GINS1: variants seen among roughly 807,000 people sequenced by gnomAD.
The protein encoded by GINS1 is GINS complex subunit 1, also known as DNA replication complex GINS protein PSF1.
GINS1 carries 26 observed loss-of-function variants against 34.9 expected under a neutral mutation model. That is an observed-to-expected ratio of 0.74 (90% CI 0.55 to 1.03). GINS1 has a LOEUF of 1.03. Among genes scored for constraint, GINS1 ranks in the 50% least tolerant of loss-of-function variants. The pLI is 0.00. For synonymous variants in GINS1, 97 were observed against 84.4 expected (o/e 1.15, Z -0.82); for missense variants, 235 against 237.9 (o/e 0.99, Z 0.08).
intron 6 of GINS1, among the ~76,000 whole-genome samples, chr20:25,443,476 CT>C (rs11482627): frequency 7.4e-4 from 92 of 124,716 alleles, no homozygotes; most frequent in Admixed American, 1.1e-3. Context: ...GGTTGAATTT[CT>C]TTTTTTTTTT....
At chr20:25,421,838 T>C (rs1441199891) in intron 4 of GINS1, among the ~76,000 whole-genome samples, 1 of 152,140 alleles carries the variant, frequency 6.6e-6, no homozygotes, top group Non-Finnish European at 1.5e-5. Flanking sequence ...TCATCTTCTC[T>C]TTGGGGTCTG....
At chr20:25,408,629 G>A (rs935519251) in intron 1 of GINS1, among the ~76,000 whole-genome samples, 1 of 152,080 alleles carries the variant, frequency 6.6e-6, no homozygotes, top group Non-Finnish European at 1.5e-5. Flanking sequence ...AGGCTGAGGC[G>A]GGAGGATCGC....
chr20:25,417,256 G>T, intron 3 of GINS1, 54 bp downstream of exon 3: 1 of 822,338 alleles, frequency 1.2e-6, no homozygotes, highest in Non-Finnish European at 2.1e-6. Context: ...TGGCTTCCCA[G>T]TTGACCATCT....
chr20:25,409,298 T>C (rs146074001), intron 1 of GINS1, among the ~76,000 whole-genome samples: 1 of 152,170 alleles, frequency 6.6e-6, no homozygotes, highest in Non-Finnish European at 1.5e-5. Flanking sequence ...ATATGGGGAA[T>C]GGATTGAAGA....
rs1365465539 is a variant in GINS1, at chr20:25,411,565, A to G, written c.76-2225A>G. On this transcript the variant is annotated intron_variant, in intron 1 of 6. Transcript: ENST00000262460. ...TGTACTCGCAGCACTTTGGGAGACC[A>G]TGGCAGGCGGATCACTTGAGGTCAG... Among the ~76,000 whole-genome samples, 4 of 152,086 alleles carry G rather than the reference A, an allele frequency of 2.6e-5. No individual in the cohort carries two copies. In the East Asian group the frequency reaches 7.7e-4, roughly 29 times the overall value.
chr20:25,414,253 G>A (rs1487041743), intron 2 of GINS1, among the ~76,000 whole-genome samples: 1 of 150,324 alleles, frequency 6.7e-6, no homozygotes, highest in Non-Finnish European at 1.5e-5. Flanking sequence ...TTTGGGATGC[G>A]ATTTTTAAAA....
intron 5 of GINS1, among the ~76,000 whole-genome samples, chr20:25,427,315 A>G (rs557686301): frequency 2.4e-4 from 37 of 152,198 alleles, no homozygotes; most frequent in South Asian, 2.1e-3. Context: ...CTCCTGCCTC[A>G]GCCTCCCAAG....
At chr20:25,432,931 T>C (rs2090435520) in intron 5 of GINS1, among the ~76,000 whole-genome samples, 1 of 150,154 alleles carries the variant, frequency 6.7e-6, no homozygotes, top group Admixed American at 6.6e-5. Flanking sequence ...TTTTTGTCTC[T>C]GGTAAGCTTT....
At chr20:25,440,829 A>AG (rs1555834065) in intron 5 of GINS1, among the ~76,000 whole-genome samples, 13 of 150,560 alleles carry the variant, frequency 8.6e-5, no homozygotes, top group African/African-American at 2.0e-4. Context: ...AAAAAAAAAA[A>AG]AAAGAAAGAA....
At chr20:25,423,636 C>T (rs1372296441) in intron 4 of GINS1, among the ~76,000 whole-genome samples, 41 of 126,562 alleles carry the variant, frequency 3.2e-4, no homozygotes, top group African/African-American at 7.8e-4. Context: ...TTTTCCGAGA[C>T]GGAGTCTCTC....
chr20:25,430,623 TG>T (rs575107019), intron 5 of GINS1, among the ~76,000 whole-genome samples: 11 of 152,146 alleles, frequency 7.2e-5, no homozygotes, highest in African/African-American at 2.4e-4. Flanking sequence ...CTCTGCCTCC[TG>T]GGTTCAAGCG....
chr20:25,434,155 G>A (rs192891363), intron 5 of GINS1, among the ~76,000 whole-genome samples: 41 of 151,864 alleles, frequency 2.7e-4, no homozygotes, highest in East Asian at 2.4e-3. Flanking sequence ...GTGGTGGCAC[G>A]AGCTTGTAGT....
At position 25,421,980 on chromosome 20, in the gene GINS1, T is replaced by G. The variant is rs77014282; in HGVS notation, c.331-3231T>G. 9.8e-5 allele frequency among the ~76,000 whole-genome samples: 15 copies of G among 152,318 alleles called. No homozygotes were observed. The East Asian group carries it at 2.5e-3, about 25-fold the overall frequency. ...AATACAAAATATCATTTTTTATCCT[T>G]TATATTATAAAAAACAATGCAGTTT... On this transcript the variant is annotated intron_variant, in intron 4 of 6. Coordinates refer to ENST00000262460, the MANE Select transcript of GINS1 (RefSeq NM_021067.5).
At chr20:25,416,098 T>C (rs1220811166) in intron 2 of GINS1, among the ~76,000 whole-genome samples, 51 of 151,912 alleles carry the variant, frequency 3.4e-4, no homozygotes, top group Non-Finnish European at 5.9e-5. Context: ...CAGGTGGTGG[T>C]GTGTTTGTGT....
chr20:25,428,969 C>CTTTT lies in GINS1; in HGVS notation c.447+3676_447+3679dup, dbSNP rs77113924. ...GGGTCCTCCACCTTCATTCCTCTCT[C>CTTTT]TTTTTTTTTTTTTTTTTTTTTTTTT... On this transcript the variant is annotated intron_variant, in intron 5 of 6. Transcript: ENST00000262460. 1.2e-3 allele frequency among the ~76,000 whole-genome samples: 159 copies of CTTTT among 127,478 alleles called. 8 individuals are homozygous for CTTTT. The highest frequency in any genetic ancestry group is 2.1e-3 in the Non-Finnish European group (130 of 60,846). 83.6% of individuals were successfully genotyped at this position (127,478 alleles called of 152,430 possible).
At position 25,426,701 on chromosome 20, in the gene GINS1, C is replaced by T. The variant is rs559767529; in HGVS notation, c.447+1374C>T. Among the ~76,000 whole-genome samples the T allele has an allele frequency of 1.3e-4, 20 of 151,466 alleles. No homozygotes were observed. The South Asian group carries it at 3.6e-3, about 27-fold the overall frequency. ...CCACCACCCCTGGCTAATTTTGTAT[C>T]TTTAGTAGAGACTGGGTTTCTCCAT... On this transcript the variant is annotated intron_variant, in intron 5 of 6. Transcript: ENST00000262460.
intron 5 of GINS1, among the ~76,000 whole-genome samples, chr20:25,436,145 G>A (rs1160221733): frequency 1.3e-5 from 2 of 151,982 alleles, no homozygotes; most frequent in Non-Finnish European, 2.9e-5. Context: ...AGATAACAGG[G>A]TCTCCCTATG....
chr20:25,424,381 A>G (rs567715740), intron 4 of GINS1, among the ~76,000 whole-genome samples: 1 of 152,360 alleles, frequency 6.6e-6, no homozygotes, highest in South Asian at 2.1e-4. Context: ...TGACGTTATT[A>G]CAATATTGAA....
intron 1 of GINS1, among the ~76,000 whole-genome samples, chr20:25,410,032 G>A (rs2090273617): frequency 6.6e-6 from 1 of 152,128 alleles, no homozygotes. Context: ...TGTGGGGCTA[G>A]GGGCTGGTCT....
Sources: gnomAD v4.1 joint callset for allele counts (sites outside exome capture counted in the v4.1 genomes callset) on GRCh38, gnomAD v4.1.1 for gene constraint, MANE v1.5 for transcripts, NCBI Gene and HGNC (gene_info 2026-07-23, HGNC 2026-07-21) for gene names.